CHCHD6: variants seen among roughly 807,000 people sequenced by gnomAD.
The protein encoded by CHCHD6 is coiled-coil-helix-coiled-coil-helix domain containing 6.
CHCHD6 carries 28 observed loss-of-function variants against 32.3 expected under a neutral mutation model. That is an observed-to-expected ratio of 0.87 (90% CI 0.64 to 1.19). CHCHD6 has a LOEUF of 1.19. Among genes scored for constraint, CHCHD6 ranks in the 50% most tolerant of loss-of-function variants. CHCHD6 has a pLI of 0.00. For missense variants in CHCHD6, 333 were observed against 307.0 expected (o/e 1.08, Z -0.63); for synonymous variants, 122 against 117.5 (o/e 1.04, Z -0.25).
chr3:126,719,583 A>G (rs1051045956), intron 1 of CHCHD6, among the ~76,000 whole-genome samples: 1 of 152,188 alleles, frequency 6.6e-6, no homozygotes, highest in Admixed American at 6.5e-5. Context: ...TCATCAGGCC[A>G]TGTAAAATAA....
At chr3:126,832,183 G>C (rs957018859) in intron 4 of CHCHD6, among the ~76,000 whole-genome samples, 4 of 152,160 alleles carry the variant, frequency 2.6e-5, no homozygotes, top group African/African-American at 9.7e-5. Context: ...ACTTAGCAAG[G>C]TTCAGAATTG....
Position 126,910,596 on chromosome 3 carries a change from TAC to T in CHCHD6, c.496-4082_496-4081del, listed in dbSNP as rs1392785642. Among the ~76,000 whole-genome samples the T allele has an allele frequency of 5.3e-5, 8 of 152,356 alleles. No homozygotes were observed. In the East Asian group the frequency reaches 1.5e-3, roughly 29 times the overall value. On this transcript the variant is annotated intron_variant, in intron 5 of 7. Transcript: ENST00000290913. ...CCCTTTGACCCAAGAATTTGACTTA[TAC>T]AGTGTTCCCTACAGATACACACAAA... is the stretch of plus-strand genomic sequence containing the variant.
At chr3:126,743,664 C>T (rs1936375417) in intron 4 of CHCHD6, among the ~76,000 whole-genome samples, 1 of 152,148 alleles carries the variant, frequency 6.6e-6, no homozygotes, top group African/African-American at 2.4e-5. Flanking sequence ...TCCTTGGCCT[C>T]TGAGTGCCCA....
At chr3:126,906,458 C>G (rs921891441) in intron 5 of CHCHD6, among the ~76,000 whole-genome samples, 1 of 152,380 alleles carries the variant, frequency 6.6e-6, no homozygotes, top group Non-Finnish European at 1.5e-5. Context: ...CCCAACCCTG[C>G]TGGCCCTCCC....
At chr3:126,843,330 A>G (rs1273227305) in intron 4 of CHCHD6, among the ~76,000 whole-genome samples, 2 of 152,066 alleles carry the variant, frequency 1.3e-5, no homozygotes, top group Admixed American at 1.3e-4. Context: ...GGATTTTTAC[A>G]TCTCTTTTCT....
chr3:126,954,685 A>C (rs1353264766), intron 6 of CHCHD6, among the ~76,000 whole-genome samples: 1 of 152,162 alleles, frequency 6.6e-6, no homozygotes, highest in Admixed American at 6.5e-5. Flanking sequence ...AACCAGGCTC[A>C]CCAGGGCCCC....
chr3:126,957,754 G>T, intron 7 of CHCHD6: 1 of 662,310 alleles, frequency 1.5e-6, no homozygotes, highest in Non-Finnish European at 2.7e-6. Flanking sequence ...GAGCGCCTTG[G>T]ACATCTGGCC....
At chr3:126,852,803 T>TG (rs1034126441) in intron 5 of CHCHD6, 73 bp downstream of exon 5, 12 of 1,054,334 alleles carry the variant, frequency 1.1e-5, no homozygotes, top group Non-Finnish European at 1.6e-5. Flanking sequence ...ATCACTGTCA[T>TG]GGGGGGAGAG....
intron 5 of CHCHD6, among the ~76,000 whole-genome samples, chr3:126,857,575 G>C (rs1254188271): frequency 6.6e-6 from 1 of 152,132 alleles, no homozygotes; most frequent in African/African-American, 2.4e-5. Context: ...CCCTATCCCA[G>C]GCACACTGGT....
chr3:126,873,391 G>A (rs191891289), intron 5 of CHCHD6, among the ~76,000 whole-genome samples: 10 of 152,234 alleles, frequency 6.6e-5, no homozygotes, highest in Non-Finnish European at 7.4e-5. Context: ...TTCAGTGCAC[G>A]CCTCACCAAT....
intron 4 of CHCHD6, among the ~76,000 whole-genome samples, chr3:126,849,706 C>T (rs1941406561): frequency 1.3e-5 from 2 of 152,224 alleles, no homozygotes; most frequent in Admixed American, 1.3e-4. Flanking sequence ...GTCTTCCCAG[C>T]ACATCTCTCT....
chr3:126,864,392 A>C, intron 5 of CHCHD6, among the ~76,000 whole-genome samples: 2 of 122,712 alleles, frequency 1.6e-5, no homozygotes, highest in Non-Finnish European at 3.4e-5. Context: ...CTACTACACC[A>C]CCACCTCCTC....
At chr3:126,928,936 T>C (rs1213637381) in intron 6 of CHCHD6, among the ~76,000 whole-genome samples, 1 of 152,200 alleles carries the variant, frequency 6.6e-6, no homozygotes, top group Admixed American at 6.5e-5. Context: ...CAAGTTCAGT[T>C]GCCAGTGCCC....
chr3:126,747,618 T>C (rs1936557294), intron 4 of CHCHD6, among the ~76,000 whole-genome samples: 1 of 152,184 alleles, frequency 6.6e-6, no homozygotes, highest in Non-Finnish European at 1.5e-5. Context: ...TGATGGCACT[T>C]TGTATATCAG....
chr3:126,730,830 G>T (rs1935763379), intron 3 of CHCHD6, among the ~76,000 whole-genome samples, 200 bp downstream of exon 3: 1 of 152,076 alleles, frequency 6.6e-6, no homozygotes, highest in African/African-American at 2.4e-5. Context: ...GGGGCATAGG[G>T]GAATTGATTG....
At chr3:126,887,309 G>A (rs1172901869) in intron 5 of CHCHD6, among the ~76,000 whole-genome samples, 2 of 151,978 alleles carry the variant, frequency 1.3e-5, no homozygotes, top group Non-Finnish European at 2.9e-5. Flanking sequence ...GAATAGCATA[G>A]CTGTGAGGAT....
intron 5 of CHCHD6, among the ~76,000 whole-genome samples, chr3:126,889,541 G>A (rs1291796048): frequency 6.6e-6 from 1 of 152,178 alleles, no homozygotes; most frequent in African/African-American, 2.4e-5. Flanking sequence ...TGAGCCACTG[G>A]CTGGCAGGTG....
intron 6 of CHCHD6, among the ~76,000 whole-genome samples, chr3:126,946,842 A>G (rs1344044225): frequency 6.6e-6 from 1 of 152,126 alleles, no homozygotes; most frequent in African/African-American, 2.4e-5. Flanking sequence ...TGCTCCATGT[A>G]TTCACCCCCC....
intron 4 of CHCHD6, among the ~76,000 whole-genome samples, chr3:126,748,214 C>T (rs1362634992): frequency 6.6e-6 from 1 of 152,222 alleles, no homozygotes; most frequent in East Asian, 1.9e-4. Context: ...TGGCTCTTCC[C>T]TTTCCTTGCC....
Sources: allele counts gnomAD v4.1 joint callset (sites outside exome capture counted in the v4.1 genomes callset), GRCh38; gene constraint gnomAD v4.1.1; transcripts MANE v1.5; gene names NCBI Gene and HGNC (gene_info 2026-07-23, HGNC 2026-07-21).